MTMR14: variants seen among roughly 807,000 people sequenced by gnomAD.
MTMR14 encodes myotubularin related protein 14.
MTMR14 carries 48 observed loss-of-function variants against 86.3 expected under a neutral mutation model. That is an observed-to-expected ratio of 0.56 (90% CI 0.44 to 0.71). MTMR14 has a LOEUF of 0.71. Among genes scored for constraint, MTMR14 ranks in the 30% least tolerant of loss-of-function variants. MTMR14 has a pLI of 0.00. For synonymous variants in MTMR14, 366 were observed against 326.1 expected, an observed-to-expected ratio of 1.12 and a Z score of -1.32; for missense variants, 780 against 834.6, an observed-to-expected ratio of 0.93 and a Z score of 0.81.
chr3:9,687,952 G>A (rs1179786857), intron 14 of MTMR14, 61 bp downstream of exon 14: 3 of 1,415,996 alleles, frequency 2.1e-6, no homozygotes, highest in Admixed American at 1.9e-5. Context: ...GCTGCTCCCT[G>A]GGAGGCAAGA....
rs1182776745 is a variant in MTMR14 at position 9,685,217 on chromosome 3, G to A, written c.1134G>A (p.Met378Ile). ...TCTACCCTCCTTTTTTCAGGCACAT[G>A]TTGGTAGATCGGCTCAGCAAAGGGG... ...VAYDWFLFGH[M>I]LVDRLSKGEE... The change falls in exon 13 of 19, where the codon ATG (methionine) becomes ATA (isoleucine). Residue 378 changes from methionine (M) to isoleucine (I), a missense_variant. By Grantham distance (10) the Met-to-Ile change is conservative. Transcript: ENST00000296003. 1.2e-6 allele frequency: 2 copies of A among 1,614,144 alleles called. No individual in the cohort carries two copies. The highest frequency in any genetic ancestry group is 1.7e-4 in the Middle Eastern group (1 of 6,050).
chr3:9,689,746 C>T (rs1163190119), intron 16 of MTMR14, among the ~76,000 whole-genome samples: 1 of 152,264 alleles, frequency 6.6e-6, no homozygotes, highest in Non-Finnish European at 1.5e-5. Context: ...GCACATACTT[C>T]AAGACCAGTA....
chr3:9,673,423 G>T (rs376177804), intron 7 of MTMR14, among the ~76,000 whole-genome samples: 32 of 152,348 alleles, frequency 2.1e-4, no homozygotes, highest in African/African-American at 5.3e-4. Context: ...TTGGTCTAGT[G>T]TGTAGCATTC....
chr3:9,665,371 C>A (rs2048188953), intron 3 of MTMR14, among the ~76,000 whole-genome samples: 1 of 150,544 alleles, frequency 6.6e-6, no homozygotes, highest in African/African-American at 2.4e-5. Flanking sequence ...CCAGCGGAAA[C>A]AGAAAATCAA....
chr3:9,671,124 A>G lies in MTMR14; in HGVS notation c.631A>G (p.Ile211Val). 6.2e-7 allele frequency: 1 copy of G among 1,614,220 alleles called. No homozygotes were observed. The highest frequency in any genetic ancestry group is 8.5e-7 in the Non-Finnish European group (1 of 1,180,042). The change falls in exon 6 of 19, where the codon ATC becomes GTC. Residue 211 changes from isoleucine to valine, a missense_variant. Ile to Val is a conservative substitution (Grantham distance 29, BLOSUM62 3). Transcript: ENST00000296003. ...GCTTCGATACCTGTCAGTCAAATAC[A>G]TCTGTGACCTGATGGTGGAGAACAA... ...KLLRYLSVKY[I>V]CDLMVENKKV...
At position 9,688,734 on chromosome 3, in the gene MTMR14, T is replaced by C. The variant is rs1226548565; in HGVS notation, c.1274T>C (p.Leu425Pro). Reference sequence around the variant, plus strand: ...CCAGCCCGGGATGGAGGCTTCACCCTGGAAGACATCTGCATGCTGAGTGAG... The same window carrying C: ...CCAGCCCGGGATGGAGGCTTCACCCCGGAAGACATCTGCATGCTGAGTGAG... ...SLPARDGGFTLEDICMLRRKD... is the reference protein window; with the variant it reads ...SLPARDGGFTPEDICMLRRKD... Residue 425 changes from leucine to proline, a missense_variant, in exon 15 of 19, where the codon CTG (leucine) becomes CCG (proline). By Grantham distance (98) the Leu-to-Pro change is moderately conservative (BLOSUM62 -3). Coordinates refer to ENST00000296003, the MANE Select transcript of MTMR14 (RefSeq NM_001077525.3). 6.2e-7 allele frequency: 1 copy of C among 1,614,154 alleles called. No individual in the cohort carries two copies. Among genetic ancestry groups the C allele is most frequent in the African/African-American group, 1.3e-5 (1 of 75,038 alleles).
chr3:9,665,998 A>G (rs1405189572), intron 3 of MTMR14, among the ~76,000 whole-genome samples: 12 of 152,066 alleles, frequency 7.9e-5, no homozygotes, highest in Non-Finnish European at 2.9e-5. Flanking sequence ...AAGTGCTGGT[A>G]TTACAGGCGT....
At chr3:9,666,688 G>A (rs2048270930) in intron 3 of MTMR14, among the ~76,000 whole-genome samples, 1 of 152,168 alleles carries the variant, frequency 6.6e-6, no homozygotes. Flanking sequence ...ATTGAAACTG[G>A]AACAATTCAT....
intron 10 of MTMR14, 123 bp downstream of exon 10, chr3:9,683,367 T>G (rs1187341051): frequency 1.1e-6 from 1 of 920,166 alleles, no homozygotes; most frequent in Non-Finnish European, 1.8e-6. Flanking sequence ...GGAGAGGAAT[T>G]TGGGGAGTTC....
chr3:9,672,863 G>A, intron 7 of MTMR14, 105 bp downstream of exon 7: 1 of 1,064,550 alleles, frequency 9.4e-7, no homozygotes, highest in Non-Finnish European at 1.5e-6. Flanking sequence ...GAGCTTTCCT[G>A]GAGGGTTTGT....
At chr3:9,675,396 T>C (rs1211265437) in intron 7 of MTMR14, 1 of 272,208 alleles carries the variant, frequency 3.7e-6, no homozygotes, top group Non-Finnish European at 7.5e-6. Flanking sequence ...AGTCACGAGC[T>C]GCACTTTGAT....
At chr3:9,678,432 G>A (rs1362144000) in intron 9 of MTMR14, among the ~76,000 whole-genome samples, 1 of 152,120 alleles carries the variant, frequency 6.6e-6, no homozygotes. Context: ...GACCTCATTT[G>A]ATTATAGAAA....
At chr3:9,686,050 T>C (rs2075939572) in intron 13 of MTMR14, among the ~76,000 whole-genome samples, 1 of 152,118 alleles carries the variant, frequency 6.6e-6, no homozygotes, top group African/African-American at 2.4e-5. Flanking sequence ...CCAAAGTGTG[T>C]TTCTCATCTT....
chr3:9,685,353 G>A (rs2075905721), intron 13 of MTMR14, 106 bp downstream of exon 13: 2 of 1,350,876 alleles, frequency 1.5e-6, no homozygotes, highest in East Asian at 4.6e-5. Flanking sequence ...TGCCCCAGGT[G>A]TGCAGGGATG....
At chr3:9,650,610 ACT>A (rs1032786027) in intron 1 of MTMR14, 2 of 271,272 alleles carry the variant, frequency 7.4e-6, no homozygotes, top group African/African-American at 4.4e-5. Flanking sequence ...GGACTTCCTC[ACT>A]CTCCAAATGG....
chr3:9,688,616 G>A (rs936416078), intron 14 of MTMR14, 80 bp from the exon 15 acceptor site: 40 of 1,547,340 alleles, frequency 2.6e-5, no homozygotes, highest in Non-Finnish European at 2.7e-6. Flanking sequence ...CTGCTTTCCA[G>A]GACAGGCAGG....
intron 1 of MTMR14, among the ~76,000 whole-genome samples, chr3:9,653,366 C>T (rs2047417479): frequency 6.6e-6 from 1 of 152,106 alleles, no homozygotes; most frequent in South Asian, 2.1e-4. Flanking sequence ...AAGCTGTAAT[C>T]GTCTCCCCCA....
intron 17 of MTMR14, among the ~76,000 whole-genome samples, chr3:9,696,349 A>T (rs1195907633): frequency 6.6e-6 from 1 of 152,056 alleles, no homozygotes; most frequent in African/African-American, 2.4e-5. Flanking sequence ...AATAGACACA[A>T]AAAAATTAGC....
At chr3:9,665,730 A>T (rs77369171) in intron 3 of MTMR14, among the ~76,000 whole-genome samples, 3 of 139,524 alleles carry the variant, frequency 2.2e-5, no homozygotes, top group South Asian at 2.3e-4. Flanking sequence ...TTTCATTTTA[A>T]TTTTTTTTTT....
Sources: allele counts gnomAD v4.1 joint callset (sites outside exome capture counted in the v4.1 genomes callset), GRCh38; gene constraint gnomAD v4.1.1; transcripts MANE v1.5; gene names NCBI Gene and HGNC (gene_info 2026-07-23, HGNC 2026-07-21).